The following RSF1 variants were observed in gnomAD, a reference collection of about 807,000 sequenced individuals.
RSF1 encodes HBV pX-associated protein 8.
In RSF1, 13 loss-of-function variants were observed where a neutral mutation model predicts 145.2. The ratio of observed to expected loss-of-function variants is 0.09; its 90% CI spans 0.06 to 0.14. The LOEUF (loss-of-function observed/expected upper bound fraction) is 0.14, where lower values mean the gene tolerates loss of function less well. Among genes scored for constraint, RSF1 ranks in the 10% least tolerant of loss-of-function variants. The pLI is 1.00. For synonymous variants in RSF1, 577 were observed against 592.6 expected, an observed-to-expected ratio of 0.97 and a Z score of 0.38; for missense variants, 1,517 against 1,718.2, an observed-to-expected ratio of 0.88 and a Z score of 2.07.
intron 5 of RSF1, among the ~76,000 whole-genome samples, chr11:77,708,673 A>G (rs550500671): frequency 6.6e-6 from 1 of 152,344 alleles, no homozygotes; most frequent in South Asian, 2.1e-4. Flanking sequence ...AAAGCTCTTC[A>G]AGGCCATCCC....
chr11:77,736,700 A>C (rs1352287896), intron 4 of RSF1, among the ~76,000 whole-genome samples: 1 of 152,216 alleles, frequency 6.6e-6, no homozygotes, highest in Non-Finnish European at 1.5e-5. Flanking sequence ...TAATATGCAT[A>C]AACACACCCA....
At chr11:77,820,776 A>G, upstream of RSF1, 1 of 1,484,042 alleles carries the variant, frequency 6.7e-7, no homozygotes, top group Non-Finnish European at 9.0e-7. Context: ...GTGCCGAGGG[A>G]TGGCAAGGCA....
intron 1 of RSF1, among the ~76,000 whole-genome samples, chr11:77,795,765 A>T (rs977823873): frequency 3.3e-5 from 5 of 152,132 alleles, no homozygotes; most frequent in Admixed American, 6.6e-5. Flanking sequence ...CATAGGGAAA[A>T]CTCTTCAGGA....
In RSF1 at chr11:77,701,262, A is replaced by G. The variant is rs373015192; in HGVS notation, c.1967T>C (p.Val656Ala). 1.9e-6 allele frequency: 3 copies of G among 1,613,964 alleles called. No individual in the cohort carries two copies. Among genetic ancestry groups the G allele is most frequent in the Non-Finnish European group, 2.5e-6 (3 of 1,180,010 alleles). ...EVVECQSTST[V>A]GGQSVKKVDL... is the part of the protein sequence containing the mutation. ...TACTTTTTTCACAGACTGGCCACCA[A>G]CAGTACTTGTACTCTGGCATTCTAC... Residue 656 changes from valine (V) to alanine (A), a missense_variant, in exon 6 of 16, where the codon GTT becomes GCT. This residue lies in a region of RSF1 where 579 missense variants were observed against 553.5 expected (regional missense o/e 1.05). Coordinates refer to ENST00000308488, the MANE Select transcript of RSF1 (RefSeq NM_016578.4).
At chr11:77,726,264 C>T (rs191310109) in intron 4 of RSF1, among the ~76,000 whole-genome samples, 2 of 152,230 alleles carry the variant, frequency 1.3e-5, no homozygotes, top group East Asian at 1.9e-4. Flanking sequence ...ACTGATTCCA[C>T]AATACCAGAA....
chr11:77,777,374 C>T (rs888247537), intron 1 of RSF1, among the ~76,000 whole-genome samples: 3 of 152,000 alleles, frequency 2.0e-5, no homozygotes, highest in African/African-American at 7.3e-5. Flanking sequence ...GGTGGATCCC[C>T]TGAGGTCAGG....
intron 2 of RSF1, among the ~76,000 whole-genome samples, chr11:77,761,828 A>ATTTTTTTTTTTTTTTTTT (rs11381383): frequency 8.4e-6 from 1 of 119,576 alleles, no homozygotes; most frequent in Non-Finnish European, 1.6e-5. Context: ...CCATTCGGTG[A>ATTTTTTTTTTTTTTTTTT]TTTTTTTTTT....
chr11:77,733,074 T>C (rs1481762345), intron 4 of RSF1, among the ~76,000 whole-genome samples: 1 of 152,242 alleles, frequency 6.6e-6, no homozygotes, highest in Admixed American at 6.5e-5. Flanking sequence ...TTTTCATTTC[T>C]CTAATATAAA....
At chr11:77,870,844 C>T in the RSF1 span, among the ~76,000 whole-genome samples, 1 of 152,182 alleles carries the variant, frequency 6.6e-6, no homozygotes, top group Admixed American at 6.5e-5. Flanking sequence ...AACCATTTTA[C>T]ATAAATAGGT....
At chr11:77,711,012 T>C (rs1263343171) in intron 5 of RSF1, among the ~76,000 whole-genome samples, 2 of 152,070 alleles carry the variant, frequency 1.3e-5, no homozygotes, top group Admixed American at 1.3e-4. Flanking sequence ...AAGTTGTATT[T>C]CAAGACCACG....
chr11:77,737,854 G>T (rs1304578847), intron 4 of RSF1, among the ~76,000 whole-genome samples: 1 of 152,192 alleles, frequency 6.6e-6, no homozygotes, highest in Non-Finnish European at 1.5e-5. Context: ...AGCTGGCCAG[G>T]CACGGTGGCT....
rs1045984896 is a variant in RSF1, at chr11:77,677,905, T to G, written c.3133+181A>C. On this transcript the variant is annotated intron_variant, in intron 12 of 15. Transcript: ENST00000308488. ...TGCTTTAAAAGTAGTTAGTAAGATC[T>G]GAGTCTATACACTGACATTGTATCC... Among the ~76,000 whole-genome samples the G allele has an allele frequency of 3.3e-5, 5 of 152,188 alleles. No homozygotes were observed. In the East Asian group the frequency reaches 9.6e-4, roughly 29 times the overall value.
intron 8 of RSF1, among the ~76,000 whole-genome samples, chr11:77,692,455 A>G (rs1431409855): frequency 1.9e-5 from 2 of 105,452 alleles, no homozygotes; most frequent in South Asian, 2.7e-4. Flanking sequence ...CGTTTTAGCC[A>G]GGATGGTCTC....
At chr11:77,763,392 C>G (rs766734053) in intron 2 of RSF1, 3 of 148,420 alleles carry the variant, frequency 2.0e-5, no homozygotes, top group Non-Finnish European at 4.5e-5. Flanking sequence ...TTACAATATA[C>G]ACAAAAGACA....
the RSF1 span, among the ~76,000 whole-genome samples, chr11:77,857,395 G>C: frequency 6.6e-6 from 1 of 152,138 alleles, no homozygotes; most frequent in Non-Finnish European, 1.5e-5. Flanking sequence ...GAAAATGCTG[G>C]AGTAGAATCA....
chr11:77,701,030 G>T lies in RSF1; in HGVS notation c.2199C>A (p.Ile733=). Residue 733 remains isoleucine (I), a synonymous_variant, in exon 6 of 16, where the codon ATC becomes ATA. Coordinates refer to ENST00000308488, the MANE Select transcript of RSF1 (RefSeq NM_016578.4). ...GACTTGATATCCTGATTGTTAATTT[G>T]ATGCCCTCTTTCTGCCTTTCAGAGG... is the stretch of plus-strand genomic sequence containing the variant. ...EITSERQKEG[I]KLTIRISSRK... The T allele has an allele frequency of 6.2e-7, 1 of 1,613,626 alleles. No individual in the cohort carries two copies.
rs1020346258 is a variant in RSF1, at chr11:77,665,756, A to ACACACACACACACG, written c.*1147_*1160dup. The ACACACACACACACG allele has an allele frequency of 6.8e-6, 1 of 146,930 alleles. No individual in the cohort carries two copies. The highest frequency in any genetic ancestry group is 1.5e-5 in the Non-Finnish European group (1 of 67,506). 9.1% of individuals were successfully genotyped at this position (146,930 alleles called of 1,614,324 possible). On this transcript the variant is annotated 3_prime_UTR_variant, in exon 16 of 16. Coordinates refer to ENST00000308488, the MANE Select transcript of RSF1 (RefSeq NM_016578.4). ...ATATCCAGGCAGATAGGAAATTCCA[A>ACACACACACACACG]CACACACACACACGCACACGCACAC...
chr11:77,858,064 G>T, the RSF1 span, among the ~76,000 whole-genome samples: 25,994 of 151,920 alleles, frequency 0.17, 2,719 homozygotes, highest in African/African-American at 0.27. Flanking sequence ...GGTGACCCAG[G>T]CTGGAGTACA....
chr11:77,786,463 A>T (rs1948457854), intron 1 of RSF1, among the ~76,000 whole-genome samples: 1 of 152,228 alleles, frequency 6.6e-6, no homozygotes, highest in Non-Finnish European at 1.5e-5. Flanking sequence ...CACTCAAGCC[A>T]GGAGTACCCC....
Sources: gnomAD v4.1 joint callset for allele counts (sites outside exome capture counted in the v4.1 genomes callset) on GRCh38, gnomAD v4.1.1 for gene constraint, gnomAD v4.1.1 regional missense constraint, MANE v1.5 for transcripts, NCBI Gene and HGNC (gene_info 2026-07-23, HGNC 2026-07-21) for gene names.